CALN1: variants seen among roughly 807,000 people sequenced by gnomAD.
CALN1 encodes the protein calneuron 1.
CALN1 carries 17 observed loss-of-function variants against 30.6 expected under a neutral mutation model. The observed-to-expected ratio is 0.56, with a 90% CI of 0.38 to 0.83. The LOEUF is 0.83. Among genes scored for constraint, CALN1 ranks in the 40% least tolerant of loss-of-function variants. CALN1 has a pLI of 0.00. For synonymous variants in CALN1, 156 were observed against 131.4 expected (o/e 1.19, Z -1.28); for missense variants, 291 against 354.9 (o/e 0.82, Z 1.45).
At chr7:72,372,939 T>C (rs556700722) in intron 2 of CALN1, among the ~76,000 whole-genome samples, 99 of 152,286 alleles carry the variant, frequency 6.5e-4, no homozygotes, top group African/African-American at 2.3e-3. Context: ...ACATGGATGT[T>C]GGAATTATCT....
At chr7:72,310,503 T>G (rs987470475) in intron 2 of CALN1, among the ~76,000 whole-genome samples, 1 of 151,856 alleles carries the variant, frequency 6.6e-6, no homozygotes, top group East Asian at 1.9e-4. Flanking sequence ...AATATTGACA[T>G]CACCCTAGTG....
chr7:72,453,125 G>C, the CALN1 span, among the ~76,000 whole-genome samples: 1 of 152,236 alleles, frequency 6.6e-6, no homozygotes, highest in African/African-American at 2.4e-5. Flanking sequence ...CCCAGCCCTA[G>C]TGGTAGTAGT....
intron 3 of CALN1, among the ~76,000 whole-genome samples, chr7:72,223,633 A>G (rs936206313): frequency 3.9e-5 from 6 of 152,136 alleles, no homozygotes; most frequent in African/African-American, 9.7e-5. Flanking sequence ...AAGCAGAACT[A>G]CCATTTGACC....
intron 4 of CALN1, among the ~76,000 whole-genome samples, chr7:72,058,082 T>C (rs1389516295): frequency 6.6e-6 from 1 of 152,084 alleles, no homozygotes; most frequent in Admixed American, 6.5e-5. Context: ...AAAATTAGAA[T>C]TGTATAGAAA....
intron 5 of CALN1, among the ~76,000 whole-genome samples, chr7:71,822,032 G>T (rs1211413868): frequency 2.0e-5 from 3 of 151,608 alleles, no homozygotes; most frequent in Non-Finnish European, 4.4e-5. Flanking sequence ...GCCTCCCAAA[G>T]TTCTGTGACC....
chr7:72,001,843 G>C (rs748977795), intron 5 of CALN1, among the ~76,000 whole-genome samples: 6 of 152,018 alleles, frequency 3.9e-5, no homozygotes, highest in Non-Finnish European at 7.4e-5. Context: ...AAGCATGTCT[G>C]GTTCAACAGC....
intron 5 of CALN1, among the ~76,000 whole-genome samples, chr7:72,017,431 C>T (rs1012853108): frequency 6.6e-6 from 1 of 152,100 alleles, no homozygotes; most frequent in Non-Finnish European, 1.5e-5. Flanking sequence ...GACTTTCATC[C>T]CAACCAAATT....
chr7:72,022,397 T>C (rs1314009008), intron 5 of CALN1, among the ~76,000 whole-genome samples: 5 of 152,092 alleles, frequency 3.3e-5, no homozygotes, highest in Non-Finnish European at 7.3e-5. Context: ...ATTATTATTT[T>C]TGTTTGTTTG....
At chr7:72,194,547 G>A (rs962078725) in intron 3 of CALN1, among the ~76,000 whole-genome samples, 21 of 147,780 alleles carry the variant, frequency 1.4e-4, no homozygotes, top group African/African-American at 4.9e-4. Flanking sequence ...AACAAAAACA[G>A]AAACAGAAAC....
intron 3 of CALN1, among the ~76,000 whole-genome samples, chr7:72,257,960 G>A (rs1013389759): frequency 1.4e-5 from 2 of 147,390 alleles, no homozygotes; most frequent in Non-Finnish European, 1.5e-5. Flanking sequence ...CTGGGGACTC[G>A]AGGGGGAAGA....
At chr7:71,832,404 G>A (rs1789342268) in intron 5 of CALN1, among the ~76,000 whole-genome samples, 1 of 152,190 alleles carries the variant, frequency 6.6e-6, no homozygotes, top group Non-Finnish European at 1.5e-5. Flanking sequence ...TAAATAAGGA[G>A]ATGCCTTTTT....
intron 5 of CALN1, among the ~76,000 whole-genome samples, chr7:71,862,043 C>T (rs534269683): frequency 8.5e-5 from 13 of 152,328 alleles, no homozygotes; most frequent in South Asian, 2.1e-4. Context: ...AACTAACTAA[C>T]TTTCTCTAAG....
chr7:72,349,282 T>TTGTG (rs3032183), intron 2 of CALN1, among the ~76,000 whole-genome samples: 7,300 of 147,714 alleles, frequency 0.049, 223 homozygotes, highest in African/African-American at 0.077. Context: ...ACACGCGTGC[T>TTGTG]TGTGTGTGTG....
intron 2 of CALN1, among the ~76,000 whole-genome samples, chr7:72,342,518 A>C (rs1368383211): frequency 6.6e-6 from 1 of 152,198 alleles, no homozygotes; most frequent in Non-Finnish European, 1.5e-5. Context: ...CATGGAACAA[A>C]ATGAACAGGA....
At chr7:72,272,370 T>C (rs542673132) in intron 3 of CALN1, among the ~76,000 whole-genome samples, 1 of 152,268 alleles carries the variant, frequency 6.6e-6, no homozygotes, top group East Asian at 1.9e-4. Context: ...GAGACCAACC[T>C]GGCCAACATG....
intron 5 of CALN1, among the ~76,000 whole-genome samples, chr7:71,967,565 G>T: frequency 1.3e-5 from 2 of 149,712 alleles, no homozygotes. Flanking sequence ...AGTCAAGGCT[G>T]CAGTGACCCG....
At chr7:72,286,095 T>G (rs1202960637) in intron 2 of CALN1, among the ~76,000 whole-genome samples, 1 of 152,194 alleles carries the variant, frequency 6.6e-6, no homozygotes, top group East Asian at 1.9e-4. Flanking sequence ...TAATCAGTGG[T>G]GCAGCCTTGA....
the CALN1 span, among the ~76,000 whole-genome samples, chr7:72,455,058 C>T: frequency 3.3e-5 from 5 of 152,046 alleles, no homozygotes; most frequent in Non-Finnish European, 5.9e-5. Context: ...CTCAAATTCC[C>T]TACCTCAGAT....
chr7:71,824,590 GC>G (rs1259035057), intron 5 of CALN1, among the ~76,000 whole-genome samples: 1 of 152,006 alleles, frequency 6.6e-6, no homozygotes, highest in Non-Finnish European at 1.5e-5. Flanking sequence ...ACAGCTGGGG[GC>G]CAACATCTTT....
Sources: gnomAD v4.1 joint callset for allele counts (sites outside exome capture counted in the v4.1 genomes callset) on GRCh38, gnomAD v4.1.1 for gene constraint, MANE v1.5 for transcripts, NCBI Gene and HGNC (gene_info 2026-07-23, HGNC 2026-07-21) for gene names.